TGFBR2: variants seen among roughly 807,000 people sequenced by gnomAD.
TGFBR2 encodes the protein TGF-beta receptor type-2.
A neutral mutation model predicts 49.0 loss-of-function variants in TGFBR2; 18 were observed. The ratio of observed to expected loss-of-function variants is 0.37; its 90% CI spans 0.25 to 0.54. The LOEUF is 0.54. Ranked by LOEUF, TGFBR2 falls within the 20% of genes least tolerant of loss-of-function variation. TGFBR2 has a pLI of 0.85. For synonymous variants in TGFBR2, 282 were observed against 275.9 expected, an observed-to-expected ratio of 1.02 and a Z score of -0.22; for missense variants, 525 against 722.6, an observed-to-expected ratio of 0.73 and a Z score of 3.13.
At chr3:30,610,905 T>C (rs1389044543) in intron 1 of TGFBR2, among the ~76,000 whole-genome samples, 3 of 152,172 alleles carry the variant, frequency 2.0e-5, no homozygotes, top group African/African-American at 7.2e-5. Flanking sequence ...ATACACACAA[T>C]GTGAGCAATT....
chr3:30,675,913 C>T (rs1225561982), intron 5 of TGFBR2, among the ~76,000 whole-genome samples: 1 of 152,166 alleles, frequency 6.6e-6, no homozygotes, highest in African/African-American at 2.4e-5. Flanking sequence ...TTTTCTGAAA[C>T]AGGATCCAGT....
chr3:30,621,434 C>T (rs1224209713), intron 1 of TGFBR2, among the ~76,000 whole-genome samples: 4 of 151,980 alleles, frequency 2.6e-5, no homozygotes, highest in Non-Finnish European at 5.9e-5. Context: ...GTGCCCACTA[C>T]CACACCTGGC....
Position 30,648,460 on chromosome 3 carries a change from A to ACACCCACC in TGFBR2, c.264-1808_264-1807insCCCACCCA, listed in dbSNP as rs1553627538. Among the ~76,000 whole-genome samples, 9 of 142,482 alleles carry ACACCCACC rather than the reference A, an allele frequency of 6.3e-5. No individual in the cohort carries two copies. The South Asian group carries it at 9.1e-4, about 14-fold the overall frequency. 93.5% of individuals were successfully genotyped at this position (142,482 alleles called of 152,430 possible). On this transcript the variant is annotated intron_variant, in intron 2 of 6. Transcript: ENST00000295754. ...CACACACACACACACACACACACAC[A>ACACCCACC]CAAAACTGTGGGGGCAGGGAGGAAG...
At chr3:30,653,162 C>T (rs1346479384) in intron 3 of TGFBR2, among the ~76,000 whole-genome samples, 1 of 151,658 alleles carries the variant, frequency 6.6e-6, no homozygotes, top group East Asian at 1.9e-4. Flanking sequence ...ATTTCTTCCA[C>T]CTAAAACAGC....
intron 1 of TGFBR2, among the ~76,000 whole-genome samples, chr3:30,626,061 T>C (rs112580551): frequency 3.3e-5 from 5 of 152,218 alleles, no homozygotes; most frequent in Non-Finnish European, 7.3e-5. Flanking sequence ...CTCATTGCCC[T>C]GGGGTAGGAC....
chr3:30,693,651 A>AT lies in TGFBR2; in HGVS notation c.*2054dup, dbSNP rs1699749867. 2 of 233,418 alleles carry AT rather than the reference A, an allele frequency of 8.6e-6. No homozygotes were observed. The highest frequency in any genetic ancestry group is 8.5e-6 in the Non-Finnish European group (1 of 117,902). The allele number at this position is 233,418 out of a possible 1,614,324, so 14.5% of individuals were successfully genotyped here. ...TGCAGTAGCATAGAGGCGCCTAGAA[A>AT]TTCCACTTGCACCGTAGGGCATGCT... On this transcript the variant is annotated 3_prime_UTR_variant, in exon 7 of 7. Transcript: ENST00000295754.
At chr3:30,652,967 T>C (rs1291229073) in intron 3 of TGFBR2, among the ~76,000 whole-genome samples, 2 of 152,220 alleles carry the variant, frequency 1.3e-5, no homozygotes, top group Admixed American at 1.3e-4. Flanking sequence ...ATTTTTCCTC[T>C]TATTTATTCT....
At chr3:30,684,983 G>A (rs892718492) in intron 5 of TGFBR2, among the ~76,000 whole-genome samples, 2 of 152,112 alleles carry the variant, frequency 1.3e-5, no homozygotes, top group South Asian at 2.1e-4. Flanking sequence ...GGAATGAATT[G>A]GCTCTGCGTT....
At chr3:30,648,673 G>A (rs992336204) in intron 2 of TGFBR2, among the ~76,000 whole-genome samples, 1 of 151,920 alleles carries the variant, frequency 6.6e-6, no homozygotes, top group African/African-American at 2.4e-5. Context: ...GTCACAGCAG[G>A]GACCAACTTA....
chr3:30,626,769 T>G (rs1231884253), intron 1 of TGFBR2: 2 of 152,310 alleles, frequency 1.3e-5, no homozygotes, highest in African/African-American at 4.8e-5. Context: ...GGCACTGAAC[T>G]CCTTCCAGGG....
intron 1 of TGFBR2, among the ~76,000 whole-genome samples, chr3:30,615,994 C>G (rs1698125578): frequency 6.6e-6 from 1 of 152,146 alleles, no homozygotes; most frequent in Non-Finnish European, 1.5e-5. Flanking sequence ...CTGTCCACCT[C>G]TGCCTCCCAA....
Position 30,692,393 on chromosome 3 carries a change from T to G in TGFBR2, c.*794T>G, listed in dbSNP as rs1452354210. ...TACCCCATCTTTAATACCTTGAATG[T>G]TTTGAACCCCACTTTTTACCTTCAT... On this transcript the variant is annotated 3_prime_UTR_variant, in exon 7 of 7. Coordinates refer to ENST00000295754, the MANE Select transcript of TGFBR2 (RefSeq NM_003242.6). The G allele has an allele frequency of 1.3e-5, 3 of 231,008 alleles. No homozygotes were observed. The highest frequency in any genetic ancestry group is 2.6e-5 in the Non-Finnish European group (3 of 116,676). 14.3% of individuals were successfully genotyped at this position (231,008 alleles called of 1,614,324 possible).
chr3:30,650,316 C>A lies in TGFBR2; in HGVS notation c.310C>A (p.Pro104Thr), dbSNP rs193922665. The change falls in exon 3 of 7, where the codon CCC (proline) becomes ACC (threonine). Residue 104 changes from proline to threonine, a missense_variant. By Grantham distance (38) the Pro-to-Thr change is conservative. Around this residue, in one of 3 missense-constraint regions of TGFBR2, gnomAD observed 376 missense variants for 478.2 expected, o/e 0.79. Coordinates refer to ENST00000295754, the MANE Select transcript of TGFBR2 (RefSeq NM_003242.6). ...AACACTAGAGACAGTTTGCCATGAC[C>A]CCAAGCTCCCCTACCATGACTTTAT... ...NITLETVCHDPKLPYHDFILE... is the reference protein window; with the variant it reads ...NITLETVCHDTKLPYHDFILE... 2.5e-6 allele frequency: 4 copies of A among 1,613,856 alleles called. No homozygotes were observed. Among genetic ancestry groups the A allele is most frequent in the African/African-American group, 2.7e-5 (2 of 74,862 alleles).
chr3:30,617,268 G>A (rs1223435011), intron 1 of TGFBR2, among the ~76,000 whole-genome samples: 1 of 152,172 alleles, frequency 6.6e-6, no homozygotes, highest in African/African-American at 2.4e-5. Context: ...TGTAGAGTTT[G>A]CAGACACTTG....
chr3:30,672,415 A>T lies in TGFBR2; in HGVS notation c.1232A>T (p.Asp411Val). ...SLRLDPTLSVDDLANSGQVGT... is the reference protein window; with the variant it reads ...SLRLDPTLSVVDLANSGQVGT... ...CGTCTGGACCCTACTCTGTCTGTGG[A>T]TGACCTGGCTAACAGTGGGCAGGTA... Residue 411 changes from aspartate to valine, a missense_variant, in exon 4 of 7, where the codon GAT (aspartate) becomes GTT (valine). Asp to Val is a radical substitution (Grantham distance 152, BLOSUM62 -3). Around this residue, in one of 3 missense-constraint regions of TGFBR2, gnomAD observed 45 missense variants for 111.0 expected, o/e 0.41. Transcript: ENST00000295754. This position sits in a 1 kb window ranked among gnomAD's most constrained non-coding sequence, Gnocchi z 4.5. The T allele has an allele frequency of 6.2e-7, 1 of 1,614,194 alleles. No homozygotes were observed. Among genetic ancestry groups the T allele is most frequent in the Non-Finnish European group, 8.5e-7 (1 of 1,180,026 alleles).
At chr3:30,680,622 T>C (rs1322023295) in intron 5 of TGFBR2, among the ~76,000 whole-genome samples, 1 of 151,208 alleles carries the variant, frequency 6.6e-6, no homozygotes, top group African/African-American at 2.4e-5. Context: ...GAAAGAAAAA[T>C]AGACTTGGGG....
At position 30,619,853 on chromosome 3, in the gene TGFBR2, C is replaced by G. The variant is rs1575132046; in HGVS notation, c.94+12876C>G. ...AAGCCTTGCATTCTCATTCATATGACCTTGTTTGCCAAGCTACCTGTGCTG... is the reference window on the plus strand; with the variant it reads ...AAGCCTTGCATTCTCATTCATATGAGCTTGTTTGCCAAGCTACCTGTGCTG... On this transcript the variant is annotated intron_variant, in intron 1 of 6. Coordinates refer to ENST00000295754, the MANE Select transcript of TGFBR2 (RefSeq NM_003242.6). Among the ~76,000 whole-genome samples the G allele has an allele frequency of 5.3e-5, 8 of 152,286 alleles. 1 individual carries two copies.
At chr3:30,649,419 A>G (rs1078985) in intron 2 of TGFBR2, among the ~76,000 whole-genome samples, 37,471 of 152,054 alleles carry the variant, frequency 0.25, 4,956 homozygotes, top group Non-Finnish European at 0.3. Flanking sequence ...CTGACGGCCA[A>G]TTGAGCATTT....
At chr3:30,680,371 G>A (rs981905396) in intron 5 of TGFBR2, among the ~76,000 whole-genome samples, 10 of 152,028 alleles carry the variant, frequency 6.6e-5, no homozygotes, top group African/African-American at 2.4e-4. Flanking sequence ...TGAGATAACT[G>A]TTTTATCTTT....
Sources: allele counts gnomAD v4.1 joint callset (sites outside exome capture counted in the v4.1 genomes callset), GRCh38; gene constraint gnomAD v4.1.1; regional missense constraint gnomAD v4.1.1; non-coding constraint Gnocchi (gnomAD v3.1); transcripts MANE v1.5; gene names NCBI Gene and HGNC (gene_info 2026-07-23, HGNC 2026-07-21).